The following ABITRAM variants were observed in gnomAD, a reference collection of about 807,000 sequenced individuals.
The protein encoded by ABITRAM is actin binding transcription modulator.
Under a neutral mutation model 22.9 loss-of-function variants are expected in ABITRAM, and 19 were observed. That is an observed-to-expected ratio of 0.83 (90% confidence interval 0.58 to 1.22). The LOEUF (loss-of-function observed/expected upper bound fraction) is 1.22, where lower values mean the gene tolerates loss of function less well. Ranked by LOEUF, ABITRAM falls within the 50% of genes most tolerant of loss-of-function variation. The pLI is 0.00. For missense variants in ABITRAM, 215 were observed against 220.2 expected, an observed-to-expected ratio of 0.98 and a Z score of 0.15; for synonymous variants, 70 against 73.9, an observed-to-expected ratio of 0.95 and a Z score of 0.27.
chr9:108,939,072 T>C, intron 3 of ABITRAM, 124 bp from the exon 4 acceptor site: 2 of 756,068 alleles, frequency 2.6e-6, no homozygotes, highest in Non-Finnish European at 2.2e-6. Flanking sequence ...GGTTTTTATA[T>C]ACTGAAGTAA....
At chr9:108,947,466 T>C (rs951315318) in intron 3 of ABITRAM, among the ~76,000 whole-genome samples, 4 of 152,226 alleles carry the variant, frequency 2.6e-5, no homozygotes, top group African/African-American at 7.2e-5. Flanking sequence ...CAAAGGAGAC[T>C]ATATGAGTGA....
downstream of ABITRAM, among the ~76,000 whole-genome samples, chr9:108,943,297 G>T (rs1441666419): frequency 6.6e-6 from 1 of 152,120 alleles, no homozygotes; most frequent in Non-Finnish European, 1.5e-5. Flanking sequence ...TCTACTGCAG[G>T]CTGTTTAGGG....
Position 108,939,556 on chromosome 9 carries a change from C to G in ABITRAM, c.416C>G (p.Thr139Ser), listed in dbSNP as rs1292469481. 2 of 1,613,584 alleles carry G rather than the reference C, an allele frequency of 1.2e-6. No individual in the cohort carries two copies. The highest frequency in any genetic ancestry group is 1.7e-6 in the Non-Finnish European group (2 of 1,179,920). ...ATGTTCTTTCCTTTCCAGCCATCTACTGAAGGCTACATTGCAGTTGTGTTA... is the reference window on the plus strand; with the variant it reads ...ATGTTCTTTCCTTTCCAGCCATCTAGTGAAGGCTACATTGCAGTTGTGTTA... ...KPSILQEKPS[T>S]EGYIAVVLPK... is the part of the protein sequence containing the mutation. Residue 139 changes from threonine to serine, a missense_variant, in exon 6 of 6, where the codon ACT becomes AGT. By Grantham distance (58) the Thr-to-Ser change is moderately conservative. Coordinates refer to ENST00000322940, the MANE Select transcript of ABITRAM (RefSeq NM_017832.4).
chr9:108,945,133 C>T (rs1026158557), downstream of ABITRAM, among the ~76,000 whole-genome samples: 2 of 152,202 alleles, frequency 1.3e-5, no homozygotes, highest in African/African-American at 4.8e-5. Flanking sequence ...ACTCCCAGGT[C>T]TCTCTCTCCA....
downstream of ABITRAM, chr9:108,942,827 A>C (rs28361182): frequency 1.4e-3 from 2,234 of 1,613,774 alleles, 43 homozygotes; most frequent in South Asian, 0.023. Context: ...GTTATTTTCC[A>C]TCTGAAGCTG....
In ABITRAM at chr9:108,934,423, T is replaced by C. The variant is rs1244968432; in HGVS notation, c.-64T>C. ...CTGTGCGCCGGAAGAGCACGCCCAG[T>C]CCGGGCTGCGCGGAGGAAGCGCTGG... On this transcript the variant is annotated 5_prime_UTR_variant, in exon 1 of 6. Coordinates refer to ENST00000322940, the MANE Select transcript of ABITRAM (RefSeq NM_017832.4). 7 of 1,416,138 alleles carry C rather than the reference T, an allele frequency of 4.9e-6. No individual in the cohort carries two copies. The highest frequency in any genetic ancestry group is 6.6e-6 in the Non-Finnish European group (7 of 1,055,438). The allele number at this position is 1,416,138 out of a possible 1,614,324, so 87.7% of individuals were successfully genotyped here.
At chr9:108,943,024 C>T, downstream of ABITRAM, 7 of 1,612,216 alleles carry the variant, frequency 4.3e-6, no homozygotes, top group Non-Finnish European at 4.2e-6. Context: ...TGGATCTTGT[C>T]TTCGTAATAC....
intron 3 of ABITRAM, among the ~76,000 whole-genome samples, chr9:108,949,223 T>G (rs1258980858): frequency 6.6e-6 from 1 of 152,144 alleles, no homozygotes; most frequent in African/African-American, 2.4e-5. Flanking sequence ...TGGAATGTCA[T>G]CACTACTATC....
intron 3 of ABITRAM, among the ~76,000 whole-genome samples, chr9:108,946,192 G>A (rs929316317): frequency 1.3e-5 from 2 of 151,842 alleles, no homozygotes; most frequent in Admixed American, 6.6e-5. Flanking sequence ...CCAGCTACTC[G>A]GGAGGCTGAG....
chr9:108,938,748 G>C (rs1830220153), intron 3 of ABITRAM, among the ~76,000 whole-genome samples: 1 of 151,626 alleles, frequency 6.6e-6, no homozygotes, highest in African/African-American at 2.4e-5. Flanking sequence ...ATTGACCCTG[G>C]TAAATAAGTT....
chr9:108,942,112 A>G (rs1334030387), downstream of ABITRAM, among the ~76,000 whole-genome samples: 4 of 152,230 alleles, frequency 2.6e-5, no homozygotes, highest in Non-Finnish European at 4.4e-5. Flanking sequence ...CAGCTATGCT[A>G]GAACTAGAAC....
At chr9:108,937,343 T>A (rs1290982922) in intron 3 of ABITRAM, among the ~76,000 whole-genome samples, 1 of 152,158 alleles carries the variant, frequency 6.6e-6, no homozygotes, top group Non-Finnish European at 1.5e-5. Flanking sequence ...ATGGACAGAT[T>A]ATTAAAAGAG....
chr9:108,943,953 A>G, downstream of ABITRAM: 1 of 1,612,854 alleles, frequency 6.2e-7, no homozygotes, highest in Non-Finnish European at 8.5e-7. Flanking sequence ...GTAGGTAGAC[A>G]TGTGTTACCT....
chr9:108,946,294 T>C (rs1208273606), intron 3 of ABITRAM, among the ~76,000 whole-genome samples: 1 of 125,586 alleles, frequency 8.0e-6, no homozygotes, highest in Non-Finnish European at 1.7e-5. Flanking sequence ...CGAGACTAAG[T>C]CTCAAAAAAA....
chr9:108,943,157 T>C (rs1830294296), downstream of ABITRAM: 1 of 970,288 alleles, frequency 1.0e-6, no homozygotes, highest in Non-Finnish European at 1.5e-6. Flanking sequence ...CTAAGGGATC[T>C]TGAAAGAGAT....
Position 108,936,438 on chromosome 9 carries a change from G to T in ABITRAM, c.261+1G>T. The T allele has an allele frequency of 6.2e-7, 1 of 1,612,634 alleles. No homozygotes were observed. Among genetic ancestry groups the T allele is most frequent in the Non-Finnish European group, 8.5e-7 (1 of 1,179,370 alleles). On this transcript the variant is annotated splice_donor_variant, in intron 3 of 5. Transcript: ENST00000322940. LOFTEE classifies it high-confidence loss of function. ...CAAGGTCTCTGGGAAATTTAAGCGGGTATGTTCCTGTAATTCTGTGATTAT... is the reference window on the plus strand; with the variant it reads ...CAAGGTCTCTGGGAAATTTAAGCGGTTATGTTCCTGTAATTCTGTGATTAT...
chr9:108,935,138 C>T (rs536036438), intron 1 of ABITRAM, among the ~76,000 whole-genome samples: 1 of 152,132 alleles, frequency 6.6e-6, no homozygotes, highest in Non-Finnish European at 1.5e-5. Flanking sequence ...TCCTTTCTTC[C>T]TTTCATTCAG....
At chr9:108,946,413 C>G (rs1830405904) in intron 3 of ABITRAM, among the ~76,000 whole-genome samples, 2 of 152,116 alleles carry the variant, frequency 1.3e-5, no homozygotes, top group Admixed American at 1.3e-4. Flanking sequence ...TCTGATACAC[C>G]CAGCCCTACC....
At chr9:108,948,225 C>A (rs751710757) in intron 3 of ABITRAM, 61 of 1,611,344 alleles carry the variant, frequency 3.8e-5, no homozygotes, top group Non-Finnish European at 4.6e-5. Flanking sequence ...TTTTCAGTGG[C>A]CCCTCTCCTC....
Sources: gnomAD v4.1 joint callset for allele counts (sites outside exome capture counted in the v4.1 genomes callset) on GRCh38, gnomAD v4.1.1 for gene constraint, MANE v1.5 for transcripts, NCBI Gene and HGNC (gene_info 2026-07-23, HGNC 2026-07-21) for gene names.